Variants in CNTNAP2 observed in about 807,000 individuals in gnomAD.
CNTNAP2 encodes contactin associated protein 2, also known as contactin-associated protein-like 2.
A neutral mutation model predicts 155.2 loss-of-function variants in CNTNAP2; 98 were observed. That is an observed-to-expected ratio of 0.63 (90% CI 0.54 to 0.75). The LOEUF (loss-of-function observed/expected upper bound fraction) is 0.75, where lower values mean the gene tolerates loss of function less well. CNTNAP2 is among the 30% of genes least tolerant of loss of function. CNTNAP2 has a pLI of 0.00. For missense variants in CNTNAP2, 1,727 were observed against 1,688.1 expected, an observed-to-expected ratio of 1.02 and a Z score of -0.40; for synonymous variants, 651 against 631.2, an observed-to-expected ratio of 1.03 and a Z score of -0.47.
At chr7:146,792,857 A>T (rs1802698846) in intron 2 of CNTNAP2, among the ~76,000 whole-genome samples, 1 of 152,170 alleles carries the variant, frequency 6.6e-6, no homozygotes, top group Non-Finnish European at 1.5e-5. Context: ...TTGAAGGGGC[A>T]TCAATAATTT....
chr7:146,799,798 T>C (rs2129191181), intron 2 of CNTNAP2, among the ~76,000 whole-genome samples: 1 of 152,306 alleles, frequency 6.6e-6, no homozygotes, highest in South Asian at 2.1e-4. Context: ...TTTCTGGACC[T>C]CTATCTCTTC....
intron 3 of CNTNAP2, among the ~76,000 whole-genome samples, chr7:146,847,838 G>A (rs945176800): frequency 2.6e-5 from 4 of 152,034 alleles, no homozygotes; most frequent in Admixed American, 6.6e-5. Context: ...TGCCTGGAAA[G>A]TTTTTTCAGA....
At chr7:148,128,958 G>T (rs1250827916) in intron 16 of CNTNAP2, among the ~76,000 whole-genome samples, 1 of 152,058 alleles carries the variant, frequency 6.6e-6, no homozygotes, top group Non-Finnish European at 1.5e-5. Context: ...TCCCCATCGT[G>T]GAGGGTACCT....
intron 9 of CNTNAP2, among the ~76,000 whole-genome samples, chr7:147,341,743 T>C (rs1412415067): frequency 7.0e-6 from 1 of 143,718 alleles, no homozygotes; most frequent in African/African-American, 2.6e-5. Context: ...GGTTCTAATC[T>C]AGGCTATCAC....
intron 3 of CNTNAP2, among the ~76,000 whole-genome samples, chr7:147,014,981 C>T (rs1798693511): frequency 6.6e-6 from 1 of 151,876 alleles, no homozygotes; most frequent in Non-Finnish European, 1.5e-5. Context: ...TACAAAATGT[C>T]ATATAAAAGT....
chr7:147,424,865 T>A (rs920456664), intron 10 of CNTNAP2, among the ~76,000 whole-genome samples: 1 of 152,168 alleles, frequency 6.6e-6, no homozygotes, highest in African/African-American at 2.4e-5. Flanking sequence ...CTCTTCCTTT[T>A]GACCTTCACA....
At chr7:146,296,516 C>T (rs935396140) in intron 1 of CNTNAP2, among the ~76,000 whole-genome samples, 3 of 152,082 alleles carry the variant, frequency 2.0e-5, no homozygotes, top group African/African-American at 7.2e-5. Flanking sequence ...ATTTAGAGAG[C>T]TCCTAGGCTG....
chr7:147,293,516 C>T (rs536667168), intron 8 of CNTNAP2, among the ~76,000 whole-genome samples: 2 of 152,122 alleles, frequency 1.3e-5, no homozygotes, highest in Admixed American at 6.5e-5. Flanking sequence ...CTGTAACTGC[C>T]TAAAGATGAA....
intron 9 of CNTNAP2, among the ~76,000 whole-genome samples, chr7:147,337,598 C>T (rs983852923): frequency 6.6e-6 from 1 of 152,134 alleles, no homozygotes; most frequent in South Asian, 2.1e-4. Flanking sequence ...AGAAAGTCAG[C>T]TGTAGTCATG....
intron 21 of CNTNAP2, among the ~76,000 whole-genome samples, chr7:148,348,652 T>TTCA (rs1219709364): frequency 1.2e-4 from 18 of 152,284 alleles, no homozygotes; most frequent in Non-Finnish European, 1.9e-4. Flanking sequence ...GCACACGTCA[T>TTCA]TCATTTGTTT....
At chr7:148,086,419 AATATTG>A (rs1473447887) in intron 15 of CNTNAP2, among the ~76,000 whole-genome samples, 1 of 152,228 alleles carries the variant, frequency 6.6e-6, no homozygotes, top group East Asian at 1.9e-4. Flanking sequence ...CAAACACTGA[AATATTG>A]ATCACAATGT....
chr7:147,054,376 A>C (rs1799523263), intron 4 of CNTNAP2, among the ~76,000 whole-genome samples: 1 of 152,162 alleles, frequency 6.6e-6, no homozygotes, highest in African/African-American at 2.4e-5. Flanking sequence ...TTTGGTGCAG[A>C]AAGTTTATCA....
intron 13 of CNTNAP2, among the ~76,000 whole-genome samples, chr7:147,647,357 G>T (rs527746689): frequency 4.0e-5 from 6 of 151,536 alleles, no homozygotes; most frequent in Non-Finnish European, 7.4e-5. Context: ...CCACTCAAAG[G>T]CCAATTTCAA....
At chr7:147,153,775 G>A (rs1194139277) in intron 8 of CNTNAP2, among the ~76,000 whole-genome samples, 3 of 152,134 alleles carry the variant, frequency 2.0e-5, no homozygotes, top group African/African-American at 7.2e-5. Flanking sequence ...GCATAGAAGT[G>A]ACATAATCTG....
At chr7:148,249,068 C>T (rs1796322848) in intron 20 of CNTNAP2, among the ~76,000 whole-genome samples, 1 of 152,088 alleles carries the variant, frequency 6.6e-6, no homozygotes, top group East Asian at 1.9e-4. Context: ...GGATTGTTTG[C>T]CTTATTATTA....
At chr7:147,906,422 C>T (rs1026769810) in intron 14 of CNTNAP2, among the ~76,000 whole-genome samples, 1 of 152,058 alleles carries the variant, frequency 6.6e-6, no homozygotes, top group South Asian at 2.1e-4. Flanking sequence ...CCACCCTCAG[C>T]CTCCCACAGT....
At chr7:146,398,166 C>T (rs1795659949) in intron 1 of CNTNAP2, among the ~76,000 whole-genome samples, 1 of 147,978 alleles carries the variant, frequency 6.8e-6, no homozygotes, top group Non-Finnish European at 1.5e-5. Context: ...GGTGTGAGCA[C>T]CTATACCCGG....
chr7:146,318,455 T>G (rs1800947289), intron 1 of CNTNAP2, among the ~76,000 whole-genome samples: 1 of 152,108 alleles, frequency 6.6e-6, no homozygotes. Context: ...ACTTAAAAAT[T>G]TAAAAAATGT....
chr7:147,147,463 C>A (rs1352649630), intron 8 of CNTNAP2, among the ~76,000 whole-genome samples: 1 of 152,042 alleles, frequency 6.6e-6, no homozygotes, highest in Non-Finnish European at 1.5e-5. Context: ...ATAAATGATT[C>A]CTTTTCAGCA....
Sources: allele counts gnomAD v4.1 joint callset (sites outside exome capture counted in the v4.1 genomes callset), GRCh38; gene constraint gnomAD v4.1.1; transcripts MANE v1.5; gene names NCBI Gene and HGNC (gene_info 2026-07-23, HGNC 2026-07-21).